Variants in ANXA9 observed in about 807,000 individuals in gnomAD.
ANXA9 encodes the protein annexin 31.
In ANXA9, 47 loss-of-function variants were observed where a neutral mutation model predicts 51.8. The observed-to-expected ratio is 0.91, with a 90% CI of 0.72 to 1.16. The LOEUF (loss-of-function observed/expected upper bound fraction) is 1.16. ANXA9 is among the 50% of genes most tolerant of loss of function. The pLI is 0.00. For missense variants in ANXA9, 361 were observed against 424.7 expected, an observed-to-expected ratio of 0.85 and a Z score of 1.32; for synonymous variants, 154 against 168.7, an observed-to-expected ratio of 0.91 and a Z score of 0.68.
chr1:150,989,648 G>A (rs992254832), intron 12 of ANXA9, among the ~76,000 whole-genome samples: 2 of 152,082 alleles, frequency 1.3e-5, no homozygotes, highest in Non-Finnish European at 2.9e-5. Context: ...CCAAGATCAC[G>A]CCACTGCACT....
upstream of ANXA9, among the ~76,000 whole-genome samples, chr1:150,977,356 G>T (rs1351333933): frequency 1.3e-5 from 2 of 152,206 alleles, no homozygotes; most frequent in South Asian, 4.1e-4. Flanking sequence ...CCAGCACCGG[G>T]ATGATGCGAC....
At chr1:150,992,559 C>T (rs1671732188) in intron 12 of ANXA9, among the ~76,000 whole-genome samples, 3 of 151,726 alleles carry the variant, frequency 2.0e-5, no homozygotes, top group South Asian at 4.2e-4. Flanking sequence ...AACAAACAAA[C>T]CATATATATA....
At position 150,994,589 on chromosome 1, in the gene ANXA9, A is replaced by G; in HGVS notation, c.865A>G (p.Asn289Asp). ...LHQALQETEP[N>D]YQVLIRILIS... ...CTTCCCCTACTAGGAAACTGAGCCC[A>G]ATTACCAAGTCCTGATTCGCATCCT... Residue 289 changes from asparagine to aspartate, a missense_variant, in exon 13 of 14, where the codon AAT becomes GAT. By Grantham distance (23) the Asn-to-Asp change is conservative. Coordinates refer to ENST00000368947, the MANE Select transcript of ANXA9 (RefSeq NM_003568.3). The G allele has an allele frequency of 6.2e-7, 1 of 1,613,914 alleles. No individual in the cohort carries two copies.
chr1:150,987,364 T>G (rs147049378), intron 9 of ANXA9, among the ~76,000 whole-genome samples: 1,507 of 50,670 alleles, frequency 0.03, 20 homozygotes, highest in African/African-American at 0.064. Flanking sequence ...TCTCTCGCTC[T>G]CTCTCTCTCT....
chr1:150,991,151 A>AAT (rs1233325326), intron 12 of ANXA9, among the ~76,000 whole-genome samples: 3 of 151,154 alleles, frequency 2.0e-5, no homozygotes, highest in African/African-American at 4.9e-5. Flanking sequence ...TCTAAAAAAA[A>AAT]AATAATAATA....
At chr1:150,977,401 C>T (rs1028811409), upstream of ANXA9, among the ~76,000 whole-genome samples, 2 of 152,336 alleles carry the variant, frequency 1.3e-5, no homozygotes, top group South Asian at 2.1e-4. Context: ...GCATACACAC[C>T]GCTTGCCTTG....
intron 12 of ANXA9, among the ~76,000 whole-genome samples, chr1:150,989,092 G>A (rs1247939497): frequency 6.6e-6 from 1 of 151,472 alleles, no homozygotes; most frequent in East Asian, 2.0e-4. Flanking sequence ...CGATTTTCCT[G>A]CCTCAGCCTC....
At chr1:150,986,300 T>C (rs1336957915) in intron 7 of ANXA9, 36 bp from the exon 8 acceptor site, 1 of 1,598,740 alleles carries the variant, frequency 6.3e-7, no homozygotes, top group African/African-American at 1.3e-5. Flanking sequence ...CTAGGAAAAC[T>C]CAGGAGGATT....
At chr1:150,978,166 C>A (rs1671366371), upstream of ANXA9, among the ~76,000 whole-genome samples, 3 of 146,872 alleles carry the variant, frequency 2.0e-5, no homozygotes, top group South Asian at 6.5e-4. Flanking sequence ...TGCAGTGATT[C>A]ATGCCTATAA....
At position 150,983,188 on chromosome 1, in the gene ANXA9, C is replaced by G. The variant is rs1671455910; in HGVS notation, c.75+8C>G. 1 of 1,613,414 alleles carries G rather than the reference C, an allele frequency of 6.2e-7. No individual in the cohort carries two copies. The highest frequency in any genetic ancestry group is 8.5e-7 in the Non-Finnish European group (1 of 1,179,626). The stretch of plus-strand genomic sequence containing the variant: ...CTGGGCCTGGCCAGCAAGGTAGGGG[C>G]TGTTGGGATTTTAGAGATCACTTTT... On this transcript the variant is annotated splice_region_variant and intron_variant, in intron 3 of 13. Transcript: ENST00000368947.
At chr1:150,980,708 T>C (rs962131804), upstream of ANXA9, among the ~76,000 whole-genome samples, 2 of 150,074 alleles carry the variant, frequency 1.3e-5, no homozygotes, top group African/African-American at 4.9e-5. Flanking sequence ...GCCTCCCGAG[T>C]AGCTGGGATT....
rs200423517 is a variant in ANXA9 at position 150,986,602 on chromosome 1, G to C, written c.553G>C (p.Gly185Arg). The change falls in exon 9 of 14, where the codon GGG becomes CGG. Residue 185 changes from glycine to arginine, a missense_variant and splice_region_variant. Coordinates refer to ENST00000368947, the MANE Select transcript of ANXA9 (RefSeq NM_003568.3). ...CTCTAAGAACAGTTTCTCCTCCTAGGGGGGCCGTGACAGCTACTCTGGAAT... is the reference window on the plus strand; with the variant it reads ...CTCTAAGAACAGTTTCTCCTCCTAGCGGGGCCGTGACAGCTACTCTGGAAT... ...LQDLLLALAK[G>R]GRDSYSGIID... 15 of 1,607,628 alleles carry C rather than the reference G, an allele frequency of 9.3e-6. No homozygotes were observed. Among genetic ancestry groups the C allele is most frequent in the African/African-American group, 2.7e-5 (2 of 74,516 alleles).
intron 2 of ANXA9, among the ~76,000 whole-genome samples, 188 bp downstream of exon 2, chr1:150,982,771 C>G (rs1300579860): frequency 6.6e-6 from 1 of 152,186 alleles, no homozygotes; most frequent in Non-Finnish European, 1.5e-5. Context: ...AGAAGGGAGG[C>G]ATCTACCGCG....
At chr1:150,980,543 T>C (rs189121365), upstream of ANXA9, among the ~76,000 whole-genome samples, 1 of 152,190 alleles carries the variant, frequency 6.6e-6, no homozygotes, top group East Asian at 1.9e-4. Context: ...CAGGGCACTT[T>C]TCTCTGCCAC....
intron 7 of ANXA9, 88 bp downstream of exon 7, chr1:150,984,764 A>C: frequency 1.7e-6 from 2 of 1,147,452 alleles, no homozygotes; most frequent in Non-Finnish European, 2.5e-6. Context: ...TAGGTGAGCT[A>C]TCTGGCAACC....
At chr1:150,994,942 A>G (rs1314843780) in intron 13 of ANXA9, 1 of 476,516 alleles carries the variant, frequency 2.1e-6, no homozygotes, top group Non-Finnish European at 2.7e-6. Flanking sequence ...AAATACAAAA[A>G]TTAGCCAGGC....
rs1009643875 is a variant in ANXA9 at position 150,986,743 on chromosome 1, A to G, written c.612+82A>G. The G allele has an allele frequency of 2.3e-5, 32 of 1,409,142 alleles. No homozygotes were observed. The African/African-American group carries it at 3.8e-4, about 17-fold the overall frequency. The allele number at this position is 1,409,142 out of a possible 1,614,324, so 87.3% of individuals were successfully genotyped here. ...CACCATATCTTAGAGCCGGTGACCT[A>G]CGTGCCCATTTTTCCCGCAAACCCA... On this transcript the variant is annotated intron_variant, in intron 9 of 13. Coordinates refer to ENST00000368947, the MANE Select transcript of ANXA9 (RefSeq NM_003568.3).
intron 4 of ANXA9, among the ~76,000 whole-genome samples, chr1:150,983,664 T>G (rs1233121277): frequency 6.6e-6 from 1 of 152,110 alleles, no homozygotes; most frequent in Non-Finnish European, 1.5e-5. Flanking sequence ...TCAGGGAGAT[T>G]AAGAGGCTTG....
Position 150,995,589 on chromosome 1 carries a change from T to G in ANXA9, c.*267T>G. The G allele has an allele frequency of 2.7e-6, 1 of 366,704 alleles. No homozygotes were observed. Among genetic ancestry groups the G allele is most frequent in the Non-Finnish European group, 4.9e-6 (1 of 203,170 alleles). The allele number at this position is 366,704 out of a possible 1,614,324, so 22.7% of individuals were successfully genotyped here. A position where few individuals can be genotyped will look rare whatever the true frequency, so the allele number is the denominator to read the frequency against. ...GTTTCTGCCTCACTCATCCCTCCTGTACCCTGGCCAGAACATCTCACTGAT... is the reference window on the plus strand; with the variant it reads ...GTTTCTGCCTCACTCATCCCTCCTGGACCCTGGCCAGAACATCTCACTGAT... On this transcript the variant is annotated 3_prime_UTR_variant, in exon 14 of 14. Transcript: ENST00000368947.
Sources: allele counts gnomAD v4.1 joint callset (sites outside exome capture counted in the v4.1 genomes callset), GRCh38; gene constraint gnomAD v4.1.1; transcripts MANE v1.5; gene names NCBI Gene and HGNC (gene_info 2026-07-23, HGNC 2026-07-21).